IRAG2: variants seen among roughly 807,000 people sequenced by gnomAD.
IRAG2 encodes inositol 1,4,5-triphosphate receptor associated 2, also known as lymphoid restricted membrane protein.
A neutral mutation model predicts 69.9 loss-of-function variants in IRAG2; 45 were observed. The ratio of observed to expected loss-of-function variants is 0.64; its 90% CI spans 0.51 to 0.83. The LOEUF is 0.83. IRAG2 is among the 40% of genes least tolerant of loss of function. IRAG2 has a pLI of 0.00. For synonymous variants in IRAG2, 193 were observed against 202.4 expected (o/e 0.95, Z 0.40); for missense variants, 520 against 587.0 (o/e 0.89, Z 1.18).
At chr12:25,001,290 A>T (rs1417921024), upstream of IRAG2, among the ~76,000 whole-genome samples, 2 of 151,730 alleles carry the variant, frequency 1.3e-5, no homozygotes, top group East Asian at 1.9e-4. Flanking sequence ...AAAAAAATTA[A>T]AAAAAAATGC....
intron 10 of IRAG2, chr12:25,030,432 G>A: frequency 2.4e-6 from 2 of 847,004 alleles, no homozygotes; most frequent in East Asian, 3.4e-5. Context: ...TGTTGCCCAG[G>A]CTGGAGTGCA....
At chr12:25,001,367 C>A (rs537718639), upstream of IRAG2, among the ~76,000 whole-genome samples, 1 of 151,980 alleles carries the variant, frequency 6.6e-6, no homozygotes, top group African/African-American at 2.4e-5. Context: ...ATTGCTTGAG[C>A]CTGGGGAGTT....
intron 9 of IRAG2, among the ~76,000 whole-genome samples, chr12:25,080,763 A>C (rs1947151532): frequency 6.6e-6 from 1 of 152,222 alleles, no homozygotes; most frequent in Non-Finnish European, 1.5e-5. Flanking sequence ...GGTTAATTAC[A>C]GAATGTCTTT....
chr12:25,056,627 A>C (rs916120369), intron 1 of IRAG2, among the ~76,000 whole-genome samples: 24 of 152,174 alleles, frequency 1.6e-4, no homozygotes, highest in African/African-American at 5.3e-4. Flanking sequence ...GCCACAGTTG[A>C]TATTTGTGTT....
At chr12:25,066,950 G>A (rs147792479) in intron 5 of IRAG2, among the ~76,000 whole-genome samples, 178 of 152,008 alleles carry the variant, frequency 1.2e-3, no homozygotes, top group African/African-American at 3.7e-3. Flanking sequence ...ACGCCCAGCC[G>A]AAAATTTACA....
chr12:25,006,042 T>A (rs76034264), intron 2 of IRAG2, among the ~76,000 whole-genome samples: 9 of 151,932 alleles, frequency 5.9e-5, no homozygotes, highest in African/African-American at 2.2e-4. Context: ...AAACAAAAAA[T>A]AACCTCATTA....
At chr12:25,057,128 G>A (rs1190497391) in intron 1 of IRAG2, among the ~76,000 whole-genome samples, 1 of 152,068 alleles carries the variant, frequency 6.6e-6, no homozygotes, top group Non-Finnish European at 1.5e-5. Flanking sequence ...GGCATTTAAA[G>A]TTGCATGTCT....
chr12:25,023,114 G>A (rs112426943), intron 7 of IRAG2, among the ~76,000 whole-genome samples: 1,562 of 137,162 alleles, frequency 0.011, 29 homozygotes, highest in African/African-American at 0.039. Context: ...CAACAAGAGC[G>A]AGACTTCGTC....
intron 2 of IRAG2, chr12:25,005,488 T>TTATTCCCA: frequency 2.5e-6 from 1 of 406,206 alleles, no homozygotes; most frequent in Non-Finnish European, 4.3e-6. Flanking sequence ...GGATGCCACC[T>TTATTCCCA]AATTTGGGAA....
intron 6 of IRAG2, among the ~76,000 whole-genome samples, chr12:25,072,780 C>T (rs926067110): frequency 6.6e-6 from 1 of 152,166 alleles, no homozygotes; most frequent in African/African-American, 2.4e-5. Context: ...TACCTTTTTA[C>T]CTTTATTTCC....
intron 9 of IRAG2, among the ~76,000 whole-genome samples, chr12:25,028,963 T>C (rs1944647550): frequency 6.6e-6 from 1 of 152,228 alleles, no homozygotes; most frequent in Non-Finnish European, 1.5e-5. Flanking sequence ...AGTGGCATTA[T>C]CATAGTTCAC....
chr12:25,012,170 T>TC (rs1432798352), intron 3 of IRAG2, among the ~76,000 whole-genome samples: 2 of 136,480 alleles, frequency 1.5e-5, no homozygotes, highest in African/African-American at 5.5e-5. Flanking sequence ...TTTTTTTTTT[T>TC]CTGAGACGGA....
chr12:25,010,001 G>A (rs1944462646), intron 2 of IRAG2, among the ~76,000 whole-genome samples: 1 of 152,142 alleles, frequency 6.6e-6, no homozygotes, highest in South Asian at 2.1e-4. Context: ...TACCCTCAGA[G>A]AGAGACCCAA....
chr12:25,043,466 G>C (rs1422337764), intron 16 of IRAG2, among the ~76,000 whole-genome samples: 14 of 152,192 alleles, frequency 9.2e-5, no homozygotes, highest in Non-Finnish European at 1.5e-5. Context: ...GCATGCGCTT[G>C]CTGGAGCCCC....
At chr12:25,100,112 T>C (rs907310827) in intron 15 of IRAG2, among the ~76,000 whole-genome samples, 1 of 150,090 alleles carries the variant, frequency 6.7e-6, no homozygotes, top group Non-Finnish European at 1.5e-5. Flanking sequence ...CATCCTTAAA[T>C]GTATTAGGGA....
chr12:25,061,323 GAGACC>G (rs1430068808), intron 1 of IRAG2, among the ~76,000 whole-genome samples: 42 of 152,286 alleles, frequency 2.8e-4, no homozygotes, highest in African/African-American at 9.1e-4. Context: ...TCAGGAGTTT[GAGACC>G]AGTCTAGACA....
intron 6 of IRAG2, among the ~76,000 whole-genome samples, chr12:25,074,375 G>T (rs568650716): frequency 1.3e-4 from 20 of 152,178 alleles, no homozygotes; most frequent in African/African-American, 4.6e-4. Context: ...GAGTTCCAGA[G>T]GTGAATACCA....
In IRAG2 at chr12:25,107,954, A is replaced by G. The variant is rs1036017113; in HGVS notation, c.1394A>G (p.Lys465Arg). ...TTCCTCACAGGCCAATTATTCCAGA[A>G]GTCTGTGGATGCCGCTCCCACACAG... ...MSFLTGQLFQ[K>R]SVDAAPTQQE... The change falls in exon 22 of 22, where the codon AAG (lysine) becomes AGG (arginine). Residue 465 changes from lysine (K) to arginine (R), a missense_variant. Coordinates refer to ENST00000556887, the MANE Select transcript of IRAG2 (RefSeq NM_001366544.2). 6 of 1,614,028 alleles carry G rather than the reference A, an allele frequency of 3.7e-6. No individual in the cohort carries two copies. Among genetic ancestry groups the G allele is most frequent in the Non-Finnish European group, 5.1e-6 (6 of 1,180,030 alleles).
At chr12:25,057,565 AT>A (rs1352154008) in intron 1 of IRAG2, among the ~76,000 whole-genome samples, 1 of 151,912 alleles carries the variant, frequency 6.6e-6, no homozygotes, top group African/African-American at 2.4e-5. Context: ...AGCTGCATGT[AT>A]TTTTTTAGTG....
Sources: allele counts gnomAD v4.1 joint callset (sites outside exome capture counted in the v4.1 genomes callset), GRCh38; gene constraint gnomAD v4.1.1; transcripts MANE v1.5; gene names NCBI Gene and HGNC (gene_info 2026-07-23, HGNC 2026-07-21).